Variants in ORC5 observed in about 807,000 individuals in gnomAD.
ORC5 encodes origin recognition complex subunit 5.
A neutral mutation model predicts 58.8 loss-of-function variants in ORC5; 39 were observed. The ratio of observed to expected loss-of-function variants is 0.66; its 90% confidence interval spans 0.51 to 0.87. ORC5 has a LOEUF of 0.87. Among genes scored for constraint, ORC5 ranks in the 40% least tolerant of loss-of-function variants. ORC5 has a pLI of 0.00. For missense variants in ORC5, 493 were observed against 506.3 expected (o/e 0.97, Z 0.25); for synonymous variants, 218 against 177.6 (o/e 1.23, Z -1.81).
rs1470191204 is a variant in ORC5, at chr7:104,136,978, G to C, written c.1150-85C>G. The C allele has an allele frequency of 1.1e-6, 1 of 884,406 alleles. No individual in the cohort carries two copies. Among genetic ancestry groups the C allele is most frequent in the Non-Finnish European group, 1.8e-6 (1 of 557,014 alleles). 54.8% of individuals were successfully genotyped at this position (884,406 alleles called of 1,614,324 possible). ...CTGAAACATCTTATAGTCTGATAAA[G>C]ATACATAACTGAATCACAAAAAACG... On this transcript the variant is annotated intron_variant, in intron 12 of 13. Coordinates refer to ENST00000297431, the MANE Select transcript of ORC5 (RefSeq NM_002553.4). The surrounding 1 kb of genome is among the most constrained non-coding windows in gnomAD (Gnocchi z 4.2).
At chr7:104,164,464 T>A (rs1799074717) in intron 11 of ORC5, among the ~76,000 whole-genome samples, 1 of 152,170 alleles carries the variant, frequency 6.6e-6, no homozygotes, top group Non-Finnish European at 1.5e-5. Flanking sequence ...ACCATTTGTC[T>A]ATTGTAGGAG....
intron 13 of ORC5, among the ~76,000 whole-genome samples, chr7:104,134,493 T>A (rs567617957): frequency 1.4e-5 from 2 of 147,224 alleles, no homozygotes; most frequent in South Asian, 4.3e-4. Flanking sequence ...TCTCAATACA[T>A]GAGGTGGAAT....
rs1481665255 is a variant in ORC5 at position 104,173,864 on chromosome 7, A to G, written c.825-5339T>C. On this transcript the variant is annotated intron_variant, in intron 8 of 13. Transcript: ENST00000297431. Reference sequence around the variant, plus strand: ...TTTTTTCTTTTTTTTTTTTTTTTTGAGACGGAGTCTCGCTCTGTCGCCCAG... The same window carrying G: ...TTTTTTCTTTTTTTTTTTTTTTTTGGGACGGAGTCTCGCTCTGTCGCCCAG... Among the ~76,000 whole-genome samples the G allele has an allele frequency of 8.6e-5, 5 of 57,966 alleles. No individual in the cohort carries two copies. The East Asian group carries it at 1.3e-3, about 15-fold the overall frequency. The allele number at this position is 57,966 out of a possible 152,430, so 38.0% of individuals were successfully genotyped here.
In ORC5 at chr7:104,207,987, C is replaced by G; in HGVS notation, c.-83G>C. 1 of 1,334,196 alleles carries G rather than the reference C, an allele frequency of 7.5e-7. No individual in the cohort carries two copies. The highest frequency in any genetic ancestry group is 1.2e-5 in the South Asian group (1 of 82,996). The allele number at this position is 1,334,196 out of a possible 1,614,324, so 82.6% of individuals were successfully genotyped here. On this transcript the variant is annotated 5_prime_UTR_variant, in exon 1 of 14. Coordinates refer to ENST00000297431, the MANE Select transcript of ORC5 (RefSeq NM_002553.4). ...ACGGAGCCTCTCCCGAGTCTGGCGG[C>G]CCACGCTCCCGCCGGAAACCGGACC...
chr7:104,156,199 A>T (rs554987567), intron 12 of ORC5, among the ~76,000 whole-genome samples: 2 of 151,692 alleles, frequency 1.3e-5, no homozygotes, highest in South Asian at 4.1e-4. Context: ...ACCCAAGATA[A>T]TGACTGCAAA....
rs1184295906 is a variant in ORC5, at chr7:104,133,310, A to AT, written c.1262+3470dup. On this transcript the variant is annotated intron_variant, in intron 13 of 13. Coordinates refer to ENST00000297431, the MANE Select transcript of ORC5 (RefSeq NM_002553.4). This position sits in a 1 kb window ranked among gnomAD's most constrained non-coding sequence, Gnocchi z 4.7. ...GATCTAGAGTGGTAAAAGTATCATGATAACAAGTGAATGAAATTGAGACAA... is the reference window on the plus strand; with the variant it reads ...GATCTAGAGTGGTAAAAGTATCATGATTAACAAGTGAATGAAATTGAGACAA... 6.6e-6 allele frequency among the ~76,000 whole-genome samples: 1 copy of AT among 152,184 alleles called. No homozygotes were observed. The highest frequency in any genetic ancestry group is 1.5e-5 in the Non-Finnish European group (1 of 68,042).
chr7:104,193,888 T>C (rs1799734749), intron 5 of ORC5, among the ~76,000 whole-genome samples: 1 of 151,754 alleles, frequency 6.6e-6, no homozygotes, highest in Non-Finnish European at 1.5e-5. Flanking sequence ...TATGCTGCTT[T>C]GTATCTTTAC....
intron 1 of ORC5, among the ~76,000 whole-genome samples, chr7:104,206,828 T>C (rs148354116): frequency 2.0e-3 from 303 of 152,348 alleles, no homozygotes; most frequent in Middle Eastern, 6.8e-3. Context: ...TATCACTGTG[T>C]TACAACTGCC....
chr7:104,184,373 A>T, intron 6 of ORC5: 1 of 557,750 alleles, frequency 1.8e-6, no homozygotes, highest in Non-Finnish European at 3.2e-6. Flanking sequence ...GCTTGAGCCC[A>T]GGAGATCAAG....
chr7:104,202,618 A>G (rs765030279), intron 2 of ORC5: 5 of 425,348 alleles, frequency 1.2e-5, no homozygotes, highest in Non-Finnish European at 2.4e-5. Flanking sequence ...TGTGATAAAA[A>G]ATGGAATACA....
intron 1 of ORC5, among the ~76,000 whole-genome samples, chr7:104,204,463 T>G (rs984331066): frequency 6.6e-5 from 10 of 152,360 alleles, no homozygotes; most frequent in African/African-American, 2.4e-4. Context: ...TATTTTATTA[T>G]GTACTATATA....
At chr7:104,205,610 A>G (rs1562833318) in intron 1 of ORC5, among the ~76,000 whole-genome samples, 1 of 152,354 alleles carries the variant, frequency 6.6e-6, no homozygotes, top group Non-Finnish European at 1.5e-5. Context: ...CTATGGCAAA[A>G]GCAGCTCAAC....
intron 8 of ORC5, among the ~76,000 whole-genome samples, chr7:104,179,990 C>A (rs992329455): frequency 1.3e-5 from 2 of 152,192 alleles, no homozygotes; most frequent in Non-Finnish European, 2.9e-5. Flanking sequence ...TGATGGCCTA[C>A]AAAAGCAATG....
At chr7:104,182,689 C>T (rs2115967316) in intron 8 of ORC5, among the ~76,000 whole-genome samples, 1 of 152,292 alleles carries the variant, frequency 6.6e-6, no homozygotes, top group South Asian at 2.1e-4. Context: ...TTAGAAGTCT[C>T]ACCTAACTCT....
intron 5 of ORC5, among the ~76,000 whole-genome samples, chr7:104,191,969 A>C (rs1230891982): frequency 1.3e-5 from 2 of 152,178 alleles, no homozygotes; most frequent in Non-Finnish European, 2.9e-5. Context: ...TATAGAAAAC[A>C]ACTATTTTTA....
chr7:104,159,845 T>G (rs1798994847), intron 12 of ORC5, among the ~76,000 whole-genome samples: 1 of 152,104 alleles, frequency 6.6e-6, no homozygotes, highest in Non-Finnish European at 1.5e-5. Context: ...TAATCTAGAG[T>G]TACCGCAACA....
At chr7:104,164,808 C>G (rs936571283) in intron 11 of ORC5, among the ~76,000 whole-genome samples, 9 of 152,146 alleles carry the variant, frequency 5.9e-5, no homozygotes, top group Non-Finnish European at 1.2e-4. Context: ...TTAGCGTTTT[C>G]TCTAATCTGC....
chr7:104,134,788 G>C (rs545281474), intron 13 of ORC5, among the ~76,000 whole-genome samples: 1 of 152,252 alleles, frequency 6.6e-6, no homozygotes, highest in East Asian at 1.9e-4. Context: ...TAATTCCTAA[G>C]GCACATGGGA....
intron 11 of ORC5, 68 bp downstream of exon 11, chr7:104,165,167 G>T: frequency 1.3e-6 from 1 of 761,414 alleles, no homozygotes; most frequent in South Asian, 1.7e-5. Context: ...TACAATTACA[G>T]ATGTATCTAT....
Sources: allele counts gnomAD v4.1 joint callset (sites outside exome capture counted in the v4.1 genomes callset), GRCh38; gene constraint gnomAD v4.1.1; non-coding constraint Gnocchi (gnomAD v3.1); transcripts MANE v1.5; gene names NCBI Gene and HGNC (gene_info 2026-07-23, HGNC 2026-07-21).